Variants in DSCAM observed in about 807,000 individuals in gnomAD.
DSCAM encodes the protein DS cell adhesion molecule.
In DSCAM, 47 loss-of-function variants were observed where a neutral mutation model predicts 217.7. That is an observed-to-expected ratio of 0.22 (90% CI 0.17 to 0.28). The LOEUF (loss-of-function observed/expected upper bound fraction) is 0.28, where lower values mean the gene tolerates loss of function less well. DSCAM is among the 10% of genes least tolerant of loss of function. The pLI, the probability that DSCAM is intolerant of heterozygous loss-of-function variation, is 1.00. For synonymous variants in DSCAM, 1,056 were observed against 1,015.3 expected (o/e 1.04, Z -0.76); for missense variants, 2,080 against 2,618.3 (o/e 0.79, Z 4.49).
chr21:40,699,276 C>T (rs1447774099), intron 2 of DSCAM, among the ~76,000 whole-genome samples: 1 of 152,212 alleles, frequency 6.6e-6, no homozygotes, highest in East Asian at 1.9e-4. Flanking sequence ...CTGCCCACCT[C>T]ACTGACATGC....
chr21:40,711,069 G>A (rs1390168088), intron 1 of DSCAM, among the ~76,000 whole-genome samples: 1 of 151,146 alleles, frequency 6.6e-6, no homozygotes, highest in Non-Finnish European at 1.5e-5. Context: ...CGCAGGGCTA[G>A]GAGGTGGCAG....
intron 3 of DSCAM, among the ~76,000 whole-genome samples, chr21:40,536,472 G>T (rs2076498384): frequency 6.6e-6 from 1 of 150,688 alleles, no homozygotes; most frequent in African/African-American, 2.5e-5. Context: ...CGCCATCTCG[G>T]CTCACTGCAA....
chr21:40,417,161 G>A (rs2075379802), intron 3 of DSCAM, among the ~76,000 whole-genome samples: 1 of 152,072 alleles, frequency 6.6e-6, no homozygotes, highest in South Asian at 2.1e-4. Flanking sequence ...TGTTAAGGTT[G>A]CGTGAACATC....
At chr21:40,785,404 C>T (rs1450643157) in intron 1 of DSCAM, among the ~76,000 whole-genome samples, 1 of 152,214 alleles carries the variant, frequency 6.6e-6, no homozygotes, top group Non-Finnish European at 1.5e-5. Context: ...CCTTTGTGGT[C>T]CCACCATGGA....
intron 3 of DSCAM, among the ~76,000 whole-genome samples, chr21:40,491,143 T>G (rs11908796): frequency 0.021 from 3,219 of 152,274 alleles, 108 homozygotes; most frequent in African/African-American, 0.072. Flanking sequence ...TTAATTTAAT[T>G]ACGAACACTT....
At chr21:40,375,215 C>T (rs1012955824) in intron 3 of DSCAM, among the ~76,000 whole-genome samples, 10 of 152,298 alleles carry the variant, frequency 6.6e-5, no homozygotes, top group Admixed American at 2.6e-4. Flanking sequence ...GTACCACACA[C>T]ATCTAAGGAT....
intron 1 of DSCAM, among the ~76,000 whole-genome samples, chr21:40,817,857 G>A (rs1211788459): frequency 1.3e-5 from 2 of 151,696 alleles, no homozygotes; most frequent in Non-Finnish European, 2.9e-5. Context: ...AGCACTTTGG[G>A]AGGCCGAGGC....
chr21:40,255,393 A>G (rs1339014816), intron 11 of DSCAM, among the ~76,000 whole-genome samples: 1 of 152,210 alleles, frequency 6.6e-6, no homozygotes, highest in African/African-American at 2.4e-5. Context: ...AGGCGAGGAC[A>G]TTTACAGTCC....
chr21:40,050,349 T>C (rs903590945), intron 30 of DSCAM, among the ~76,000 whole-genome samples: 5 of 152,202 alleles, frequency 3.3e-5, no homozygotes, highest in African/African-American at 1.2e-4. Context: ...CCTTTCAATA[T>C]CTGTAACTTT....
intron 3 of DSCAM, among the ~76,000 whole-genome samples, chr21:40,493,626 C>T (rs2076093474): frequency 6.6e-6 from 1 of 151,950 alleles, no homozygotes; most frequent in Non-Finnish European, 1.5e-5. Context: ...CTTTAGGAGG[C>T]CGAGGCAGGT....
At chr21:40,470,407 G>A (rs2075878600) in intron 3 of DSCAM, among the ~76,000 whole-genome samples, 1 of 152,226 alleles carries the variant, frequency 6.6e-6, no homozygotes, top group Non-Finnish European at 1.5e-5. Flanking sequence ...GTGCCATTTG[G>A]TGCCTCCCTC....
intron 3 of DSCAM, among the ~76,000 whole-genome samples, chr21:40,551,023 A>G (rs1286610707): frequency 6.6e-6 from 1 of 152,204 alleles, no homozygotes; most frequent in Non-Finnish European, 1.5e-5. Flanking sequence ...ATGTACAGAG[A>G]AACCTTTAGG....
chr21:40,550,613 CA>C (rs1362305794), intron 3 of DSCAM, among the ~76,000 whole-genome samples: 1 of 152,222 alleles, frequency 6.6e-6, no homozygotes, highest in Non-Finnish European at 1.5e-5. Flanking sequence ...TTCCATTCAA[CA>C]AGGTATTCCG....
At chr21:40,495,088 A>T (rs2076107279) in intron 3 of DSCAM, among the ~76,000 whole-genome samples, 1 of 152,204 alleles carries the variant, frequency 6.6e-6, no homozygotes, top group East Asian at 1.9e-4. Flanking sequence ...GATTGAGTCA[A>T]TAGTAAAAAG....
intron 21 of DSCAM, 54 bp downstream of exon 21, chr21:40,093,667 C>A: frequency 6.2e-7 from 1 of 1,600,322 alleles, no homozygotes; most frequent in Non-Finnish European, 8.5e-7. Flanking sequence ...AAAATAGAGA[C>A]TTAAAAACAG....
At chr21:40,629,774 G>T (rs1269803090) in intron 3 of DSCAM, 2 of 152,128 alleles carry the variant, frequency 1.3e-5, no homozygotes, top group Non-Finnish European at 2.9e-5. Context: ...TCTGCCCTTT[G>T]TCCAGAGTAT....
intron 9 of DSCAM, 148 bp downstream of exon 9, chr21:40,311,933 A>ATTTTTTTTTTTTTTT: frequency 5.1e-6 from 1 of 195,382 alleles, no homozygotes; most frequent in Non-Finnish European, 8.7e-6. Flanking sequence ...TTAGAGTCGT[A>ATTTTTTTTTTTTTTT]TTTTTTTTTT....
intron 3 of DSCAM, among the ~76,000 whole-genome samples, chr21:40,574,800 T>C (rs981211798): frequency 2.0e-5 from 3 of 151,116 alleles, no homozygotes; most frequent in African/African-American, 7.3e-5. Flanking sequence ...CTCCACTTCC[T>C]GGGTTCAAGG....
intron 1 of DSCAM, among the ~76,000 whole-genome samples, chr21:40,792,157 TTGAG>T (rs2091651841): frequency 1.4e-5 from 2 of 146,156 alleles, no homozygotes; most frequent in Admixed American, 6.8e-5. Context: ...TTTTTTTTTT[TTGAG>T]ACAGAGTCTC....
Sources: allele counts gnomAD v4.1 joint callset (sites outside exome capture counted in the v4.1 genomes callset), GRCh38; gene constraint gnomAD v4.1.1; transcripts MANE v1.5; gene names NCBI Gene and HGNC (gene_info 2026-07-23, HGNC 2026-07-21).